Variants in NEDD4 observed in about 807,000 individuals in gnomAD.
NEDD4 encodes E3 ubiquitin-protein ligase NEDD4.
Under a neutral mutation model 144.9 loss-of-function variants are expected in NEDD4, and 99 were observed. The observed-to-expected ratio is 0.68, with a 90% CI of 0.58 to 0.81. The LOEUF is 0.81. NEDD4 is among the 30% of genes least tolerant of loss of function. The pLI is 0.00. For missense variants in NEDD4, 985 were observed against 1,065.9 expected (o/e 0.92, Z 1.06); for synonymous variants, 318 against 350.6 (o/e 0.91, Z 1.04).
intron 1 of NEDD4, among the ~76,000 whole-genome samples, chr15:55,982,084 G>C (rs1164696028): frequency 2.0e-5 from 3 of 152,204 alleles, no homozygotes; most frequent in African/African-American, 7.2e-5. Context: ...AGAAGGCTGG[G>C]AGACAGGAGT....
chr15:55,900,703 G>A (rs1415637627), intron 5 of NEDD4, among the ~76,000 whole-genome samples: 1 of 152,062 alleles, frequency 6.6e-6, no homozygotes, highest in Admixed American at 6.6e-5. Flanking sequence ...ACAAAATTGA[G>A]CTTTTATGTA....
intron 5 of NEDD4, among the ~76,000 whole-genome samples, chr15:55,879,936 G>C (rs1358103842): frequency 6.6e-6 from 1 of 151,922 alleles, no homozygotes; most frequent in East Asian, 1.9e-4. Flanking sequence ...GGAAAGGGAG[G>C]ACATTATCAA....
At chr15:55,916,763 G>T in intron 5 of NEDD4, 1 of 1,613,816 alleles carries the variant, frequency 6.2e-7, no homozygotes. Context: ...AGTCATCTCC[G>T]GAGGTTTCTG....
At chr15:55,897,084 C>T (rs2035762617) in intron 5 of NEDD4, among the ~76,000 whole-genome samples, 1 of 152,210 alleles carries the variant, frequency 6.6e-6, no homozygotes, top group African/African-American at 2.4e-5. Context: ...CGCCATTCTC[C>T]TGCCTCAGCC....
chr15:55,918,546 A>C (rs1288400611), intron 5 of NEDD4, among the ~76,000 whole-genome samples: 1 of 151,762 alleles, frequency 6.6e-6, no homozygotes, highest in African/African-American at 2.4e-5. Context: ...TTTTTTCCTA[A>C]GTAAAAGCAA....
intron 5 of NEDD4, among the ~76,000 whole-genome samples, chr15:55,904,094 G>A (rs968243541): frequency 1.3e-5 from 2 of 151,942 alleles, no homozygotes; most frequent in Admixed American, 6.6e-5. Flanking sequence ...CTCTGGAGGC[G>A]GAGGTCACAG....
chr15:55,830,058 G>A, intron 28 of NEDD4, 59 bp from the exon 29 acceptor site: 1 of 1,121,476 alleles, frequency 8.9e-7, no homozygotes, highest in Non-Finnish European at 1.3e-6. Flanking sequence ...TACCACCACA[G>A]CAAACAGAGC....
chr15:55,841,793 G>C (rs1225793973), intron 19 of NEDD4, 141 bp downstream of exon 19: 7 of 664,556 alleles, frequency 1.1e-5, no homozygotes, highest in South Asian at 1.8e-5. Flanking sequence ...GGATGGTCTC[G>C]ATATCCTGAC....
At chr15:55,986,096 C>G (rs978086860) in intron 1 of NEDD4, among the ~76,000 whole-genome samples, 10 of 152,126 alleles carry the variant, frequency 6.6e-5, no homozygotes, top group African/African-American at 1.9e-4. Flanking sequence ...TGATTACAAC[C>G]TGCTGAATAA....
chr15:55,934,805 A>C (rs1348681568), intron 4 of NEDD4: 1 of 146,878 alleles, frequency 6.8e-6, no homozygotes, highest in Non-Finnish European at 1.5e-5. Context: ...ATTTTATTTT[A>C]TTAAAAATTT....
At chr15:55,890,558 C>G (rs1432307984) in intron 5 of NEDD4, among the ~76,000 whole-genome samples, 1 of 152,182 alleles carries the variant, frequency 6.6e-6, no homozygotes, top group African/African-American at 2.4e-5. Context: ...GGATATACCA[C>G]ATTTTATTTA....
chr15:55,837,685 A>T, intron 24 of NEDD4, 104 bp downstream of exon 24: 1 of 642,784 alleles, frequency 1.6e-6, no homozygotes. Context: ...ATTTCACAAA[A>T]CAAGCCATAT....
chr15:55,922,537 A>G (rs1485769032), intron 5 of NEDD4, among the ~76,000 whole-genome samples: 2 of 152,038 alleles, frequency 1.3e-5, no homozygotes, highest in African/African-American at 2.4e-5. Flanking sequence ...TAATTTTTGT[A>G]TTTTTATTAC....
chr15:55,993,377 C>T (rs960669647), intron 1 of NEDD4, 134 bp downstream of exon 1: 21 of 1,110,150 alleles, frequency 1.9e-5, no homozygotes, highest in African/African-American at 6.6e-5. Context: ...GCCTCGCGCG[C>T]TCCCCAGGCT....
intron 5 of NEDD4, among the ~76,000 whole-genome samples, chr15:55,912,538 T>C (rs2036307932): frequency 6.6e-6 from 1 of 152,092 alleles, no homozygotes; most frequent in Admixed American, 6.5e-5. Flanking sequence ...AAAATGCTAA[T>C]GCACATTAAA....
At chr15:55,974,416 A>G (rs2037664828) in intron 1 of NEDD4, among the ~76,000 whole-genome samples, 2 of 152,198 alleles carry the variant, frequency 1.3e-5, no homozygotes, top group African/African-American at 4.8e-5. Flanking sequence ...TACTGATTCT[A>G]TAAGGCCAAT....
chr15:55,923,229 G>A (rs2036601547), intron 5 of NEDD4, among the ~76,000 whole-genome samples: 1 of 151,672 alleles, frequency 6.6e-6, no homozygotes. Flanking sequence ...TAGATTCAGA[G>A]GGGAAAAAAA....
intron 1 of NEDD4, among the ~76,000 whole-genome samples, chr15:55,966,982 G>A (rs756194851): frequency 2.0e-5 from 3 of 152,098 alleles, no homozygotes; most frequent in Non-Finnish European, 4.4e-5. Context: ...CTGCCTCCCG[G>A]TTCAAGCGAT....
intron 12 of NEDD4, among the ~76,000 whole-genome samples, chr15:55,854,096 A>G (rs998595227): frequency 5.9e-5 from 9 of 152,068 alleles, no homozygotes; most frequent in African/African-American, 9.7e-5. Flanking sequence ...GGTTGCAGTG[A>G]GCCGAGATCG....
Sources: gnomAD v4.1 joint callset for allele counts (sites outside exome capture counted in the v4.1 genomes callset) on GRCh38, gnomAD v4.1.1 for gene constraint, MANE v1.5 for transcripts, NCBI Gene and HGNC (gene_info 2026-07-23, HGNC 2026-07-21) for gene names.